The following PPP1R12B variants were observed in gnomAD, a reference collection of about 807,000 sequenced individuals.
PPP1R12B encodes the protein myosin phosphatase target subunit 2.
PPP1R12B carries 76 observed loss-of-function variants against 126.1 expected under a neutral mutation model. The ratio of observed to expected loss-of-function variants is 0.60; its 90% CI spans 0.50 to 0.73. The LOEUF is 0.73. Ranked by LOEUF, PPP1R12B falls within the 30% of genes least tolerant of loss-of-function variation. PPP1R12B has a pLI of 0.00. For missense variants in PPP1R12B, 1,052 were observed against 1,205.1 expected (o/e 0.87, Z 1.88); for synonymous variants, 356 against 434.7 (o/e 0.82, Z 2.25).
chr1:202,430,126 T>C (rs1250305896), intron 6 of PPP1R12B, among the ~76,000 whole-genome samples: 1 of 152,234 alleles, frequency 6.6e-6, no homozygotes, highest in African/African-American at 2.4e-5. Context: ...GAAATAAGTT[T>C]AGACTCACAT....
chr1:202,550,449 A>G (rs1686191960), intron 18 of PPP1R12B, among the ~76,000 whole-genome samples: 1 of 152,242 alleles, frequency 6.6e-6, no homozygotes, highest in South Asian at 2.1e-4. Context: ...TGAAACTCAA[A>G]CAGTGGGATT....
rs1047095680 is a variant in PPP1R12B, at chr1:202,481,605, T to C, written c.1851-6928T>C. On this transcript the variant is annotated intron_variant, in intron 13 of 23. Coordinates refer to ENST00000608999, the MANE Select transcript of PPP1R12B (RefSeq NM_002481.4). ...TTTTCTTTTTATTTTAAAATTTATT[T>C]GACACATTACATATTTATGGAGGTA... 7.0e-4 allele frequency among the ~76,000 whole-genome samples: 107 copies of C among 152,212 alleles called. 1 individual carries two copies. The highest frequency in any genetic ancestry group is 6.9e-3 in the Admixed American group (106 of 15,278).
At position 202,449,050 on chromosome 1, in the gene PPP1R12B, A is replaced by G. The variant is rs373149697; in HGVS notation, c.1729A>G (p.Ser577Gly). Reference protein sequence around the residue: ...AEKTADNVSSSTPLCVITNRP... With the variant: ...AEKTADNVSSGTPLCVITNRP... The stretch of plus-strand genomic sequence containing the variant: ...GAAAACAGCAGACAATGTCTCTTCT[A>G]GCACCCCGCTCTGTGTGATCACCAA... Residue 577 changes from serine (S) to glycine (G), a missense_variant, in exon 13 of 24, where the codon AGC (serine) becomes GGC (glycine). Coordinates refer to ENST00000608999, the MANE Select transcript of PPP1R12B (RefSeq NM_002481.4). 8 of 1,613,876 alleles carry G rather than the reference A, an allele frequency of 5.0e-6. No individual in the cohort carries two copies. Among genetic ancestry groups the G allele is most frequent in the Non-Finnish European group, 6.8e-6 (8 of 1,179,852 alleles).
At chr1:202,516,738 C>G (rs978688082) in intron 18 of PPP1R12B, among the ~76,000 whole-genome samples, 3 of 152,170 alleles carry the variant, frequency 2.0e-5, no homozygotes, top group Non-Finnish European at 2.9e-5. Context: ...CCCTAACAAT[C>G]CTTAGTCCAC....
chr1:202,352,486 G>T (rs1165727421), intron 1 of PPP1R12B, among the ~76,000 whole-genome samples: 1 of 152,124 alleles, frequency 6.6e-6, no homozygotes, highest in African/African-American at 2.4e-5. Context: ...AGTGTGGTGA[G>T]GGATGCTGGA....
At chr1:202,481,190 C>T (rs1677314268) in intron 13 of PPP1R12B, among the ~76,000 whole-genome samples, 1 of 152,214 alleles carries the variant, frequency 6.6e-6, no homozygotes, top group Non-Finnish European at 1.5e-5. Flanking sequence ...TCCTGCTGTA[C>T]AGCGTGGTTC....
intron 18 of PPP1R12B, 49 bp from the exon 19 acceptor site, chr1:202,558,828 T>G: frequency 7.8e-7 from 1 of 1,275,064 alleles, no homozygotes; most frequent in South Asian, 1.3e-5. Context: ...TAATGCTGTT[T>G]TCTTTTCTTT....
At chr1:202,457,024 A>G (rs1429413558) in intron 13 of PPP1R12B, among the ~76,000 whole-genome samples, 1 of 152,262 alleles carries the variant, frequency 6.6e-6, no homozygotes, top group Non-Finnish European at 1.5e-5. Context: ...TATTATTGGA[A>G]TAGGTAACAA....
At chr1:202,571,799 GT>G (rs1471936631) in intron 23 of PPP1R12B, among the ~76,000 whole-genome samples, 2 of 152,028 alleles carry the variant, frequency 1.3e-5, no homozygotes, top group African/African-American at 4.8e-5. Flanking sequence ...ATTCAGTCAG[GT>G]GTCCATTATT....
Position 202,349,033 on chromosome 1 carries a change from T to C in PPP1R12B, c.182T>C (p.Val61Ala). The change falls in exon 1 of 24, where the codon GTC becomes GCC. Residue 61 changes from valine (V) to alanine (A), a missense_variant. Transcript: ENST00000608999. ...AGGGTCCGCTTCGAGGACGGTGCTG[T>C]CTTTCTGGCCGCCTGCTCTAGCGGG... is the stretch of plus-strand genomic sequence containing the variant. ...SPRVRFEDGA[V>A]FLAACSSGDT... is the part of the protein sequence containing the mutation. 1 of 1,613,168 alleles carries C rather than the reference T, an allele frequency of 6.2e-7. No individual in the cohort carries two copies. The highest frequency in any genetic ancestry group is 8.5e-7 in the Non-Finnish European group (1 of 1,179,666).
intron 1 of PPP1R12B, among the ~76,000 whole-genome samples, chr1:202,371,858 C>CTTTTTTTTTTTTTTT (rs1193939057): frequency 2.7e-5 from 2 of 75,340 alleles, no homozygotes; most frequent in African/African-American, 4.8e-5. Context: ...ATTATAGTTT[C>CTTTTTTTTTTTTTTT]TTTTTTTTTT....
Position 202,364,639 on chromosome 1 carries a change from T to C in PPP1R12B, c.291+15497T>C, listed in dbSNP as rs189357252. On this transcript the variant is annotated intron_variant, in intron 1 of 23. Transcript: ENST00000608999. ...TCACCCAGGCTGGAGTGCAGTGGCA[T>C]GATCTCGGCTCACTGCAAGCTCCGC... 2.5e-3 allele frequency among the ~76,000 whole-genome samples: 384 copies of C among 152,130 alleles called. 2 individuals are homozygous for C. The highest frequency in any genetic ancestry group is 0.017 in the Middle Eastern group (5 of 294).
intron 13 of PPP1R12B, among the ~76,000 whole-genome samples, chr1:202,478,669 T>C (rs747630211): frequency 2.0e-5 from 3 of 152,152 alleles, no homozygotes; most frequent in African/African-American, 4.8e-5. Flanking sequence ...TCTGGACTTA[T>C]ATGCAGTAAA....
chr1:202,543,295 C>G (rs1291035234), intron 18 of PPP1R12B, among the ~76,000 whole-genome samples: 1 of 152,088 alleles, frequency 6.6e-6, no homozygotes, highest in Non-Finnish European at 1.5e-5. Context: ...ATGATATACT[C>G]CCTAATGAAA....
chr1:202,396,669 C>T (rs989516209), intron 1 of PPP1R12B, among the ~76,000 whole-genome samples: 2 of 152,172 alleles, frequency 1.3e-5, no homozygotes, highest in African/African-American at 4.8e-5. Flanking sequence ...TGCAGTGTCG[C>T]ACTGCAAGGC....
intron 1 of PPP1R12B, among the ~76,000 whole-genome samples, chr1:202,389,268 A>G (rs1571763159): frequency 6.6e-6 from 1 of 152,224 alleles, no homozygotes; most frequent in African/African-American, 2.4e-5. Flanking sequence ...AAAAAAGTTG[A>G]AAAACAAATG....
At chr1:202,498,827 A>G (rs1558304185) in intron 18 of PPP1R12B, among the ~76,000 whole-genome samples, 2 of 152,238 alleles carry the variant, frequency 1.3e-5, no homozygotes, top group African/African-American at 2.4e-5. Context: ...GCTAATCAGC[A>G]TGGATACAGT....
intron 1 of PPP1R12B, among the ~76,000 whole-genome samples, chr1:202,381,552 A>G (rs1415450805): frequency 6.6e-6 from 1 of 152,038 alleles, no homozygotes; most frequent in Non-Finnish European, 1.5e-5. Flanking sequence ...AATTTCCATC[A>G]GTGTTTTTCC....
chr1:202,434,203 A>G (rs113052625), intron 8 of PPP1R12B, among the ~76,000 whole-genome samples: 88 of 152,312 alleles, frequency 5.8e-4, no homozygotes, highest in African/African-American at 1.9e-3. Flanking sequence ...TGGGAAATTG[A>G]CACTGTAGGA....
Sources: gnomAD v4.1 joint callset for allele counts (sites outside exome capture counted in the v4.1 genomes callset) on GRCh38, gnomAD v4.1.1 for gene constraint, MANE v1.5 for transcripts, NCBI Gene and HGNC (gene_info 2026-07-23, HGNC 2026-07-21) for gene names.